Variants in RBMS1 observed in about 807,000 individuals in gnomAD.
RBMS1 encodes RNA-binding motif, single-stranded-interacting protein 1.
A neutral mutation model predicts 62.3 loss-of-function variants in RBMS1; 17 were observed. The ratio of observed to expected loss-of-function variants is 0.27; its 90% confidence interval spans 0.19 to 0.41. The LOEUF (loss-of-function observed/expected upper bound fraction) is 0.41, where lower values mean the gene tolerates loss of function less well. Ranked by LOEUF, RBMS1 falls within the 10% of genes least tolerant of loss-of-function variation. The pLI, the probability that RBMS1 is intolerant of heterozygous loss-of-function variation, is 1.00. For synonymous variants in RBMS1, 172 were observed against 170.0 expected, an observed-to-expected ratio of 1.01 and a Z score of -0.09; for missense variants, 334 against 504.5, an observed-to-expected ratio of 0.66 and a Z score of 3.24.
intron 1 of RBMS1, among the ~76,000 whole-genome samples, chr2:160,400,560 G>T (rs1695382440): frequency 1.3e-5 from 2 of 152,054 alleles, no homozygotes; most frequent in African/African-American, 4.8e-5. Context: ...ATGAAAACAG[G>T]TGATTGTGAT....
chr2:160,387,090 T>C (rs530094223), intron 1 of RBMS1, among the ~76,000 whole-genome samples: 19 of 152,188 alleles, frequency 1.2e-4, no homozygotes, highest in Non-Finnish European at 2.2e-4. Flanking sequence ...CACAGGACAC[T>C]GTCTGTTTAT....
At chr2:160,446,758 C>G (rs1683667659) in intron 1 of RBMS1, among the ~76,000 whole-genome samples, 1 of 152,220 alleles carries the variant, frequency 6.6e-6, no homozygotes, top group Non-Finnish European at 1.5e-5. Flanking sequence ...CATTTTACTC[C>G]CCATTCCTCG....
chr2:160,493,449 G>A lies in RBMS1; in HGVS notation c.-86C>T, dbSNP rs1279165467. 8 of 1,365,644 alleles carry A rather than the reference G, an allele frequency of 5.9e-6. No homozygotes were observed. Among genetic ancestry groups the A allele is most frequent in the Non-Finnish European group, 8.2e-6 (8 of 970,088 alleles). The allele number at this position is 1,365,644 out of a possible 1,614,324, so 84.6% of individuals were successfully genotyped here. A position where few individuals can be genotyped will look rare whatever the true frequency, so the allele number is the denominator to read the frequency against. On this transcript the variant is annotated 5_prime_UTR_variant, in exon 1 of 14. Transcript: ENST00000348849. ...GCTCTCCTGCCTCTCCCTTTCCGGCGGCGGCGGCAGCGGCGGCGGCGGCGG... is the reference window on the plus strand; with the variant it reads ...GCTCTCCTGCCTCTCCCTTTCCGGCAGCGGCGGCAGCGGCGGCGGCGGCGG...
intron 1 of RBMS1, among the ~76,000 whole-genome samples, chr2:160,457,755 G>A (rs1423640484): frequency 6.6e-6 from 1 of 151,684 alleles, no homozygotes; most frequent in Non-Finnish European, 1.5e-5. Flanking sequence ...GCTGGGGAGG[G>A]CTGCCTATGC....
intron 4 of RBMS1, among the ~76,000 whole-genome samples, chr2:160,307,190 G>A (rs1689579406): frequency 6.6e-6 from 1 of 152,094 alleles, no homozygotes; most frequent in African/African-American, 2.4e-5. Flanking sequence ...TAAAATGCAA[G>A]AACGGGGACT....
intron 1 of RBMS1, among the ~76,000 whole-genome samples, chr2:160,399,525 C>CTT (rs33978215): frequency 6.7e-6 from 1 of 149,464 alleles, no homozygotes; most frequent in African/African-American, 2.5e-5. Context: ...TTCCTGTATG[C>CTT]TTTTTTTTTT....
At position 160,273,617 on chromosome 2, in the gene RBMS1, A is replaced by G. The variant is rs1687681119; in HGVS notation, c.*1155T>C. On this transcript the variant is annotated 3_prime_UTR_variant, in exon 14 of 14. Coordinates refer to ENST00000348849, the MANE Select transcript of RBMS1 (RefSeq NM_016836.4). ...CTTTTGCCACTTTGTTGCAATAGCAACATTTTTCGGTTTGCCAGATTTCAG... is the reference window on the plus strand; with the variant it reads ...CTTTTGCCACTTTGTTGCAATAGCAGCATTTTTCGGTTTGCCAGATTTCAG... 6.6e-6 allele frequency: 1 copy of G among 152,224 alleles called. No homozygotes were observed. Among genetic ancestry groups the G allele is most frequent in the African/African-American group, 2.4e-5 (1 of 41,454 alleles). 9.4% of individuals were successfully genotyped at this position (152,224 alleles called of 1,614,324 possible). A position where few individuals can be genotyped will look rare whatever the true frequency, so the allele number is the denominator to read the frequency against.
chr2:160,381,352 A>C (rs1433427607), intron 1 of RBMS1, among the ~76,000 whole-genome samples: 2 of 152,216 alleles, frequency 1.3e-5, no homozygotes, highest in African/African-American at 4.8e-5. Context: ...GTCCTTAAAA[A>C]TAGTTTAATA....
chr2:160,278,295 T>C, intron 11 of RBMS1: 1 of 506,178 alleles, frequency 2.0e-6, no homozygotes, highest in Admixed American at 3.5e-5. Flanking sequence ...ACACTAGTCA[T>C]AAAAGGCTAG....
chr2:160,421,638 T>A (rs955992110), intron 1 of RBMS1, among the ~76,000 whole-genome samples: 6 of 152,204 alleles, frequency 3.9e-5, no homozygotes, highest in African/African-American at 9.6e-5. Context: ...AGCAGCATGA[T>A]TTATAATCCT....
chr2:160,421,899 G>A (rs998413685), intron 1 of RBMS1, among the ~76,000 whole-genome samples: 2 of 152,116 alleles, frequency 1.3e-5, no homozygotes, highest in Non-Finnish European at 2.9e-5. Flanking sequence ...TGATGGCCAG[G>A]GATGATGAGC....
intron 1 of RBMS1, 90 bp from the exon 2 acceptor site, chr2:160,367,481 A>G: frequency 6.5e-7 from 1 of 1,537,980 alleles, no homozygotes; most frequent in Non-Finnish European, 8.7e-7. Flanking sequence ...AATATAGATT[A>G]CTTTAAGCTA....
intron 1 of RBMS1, among the ~76,000 whole-genome samples, chr2:160,414,488 A>G (rs1039212265): frequency 6.6e-6 from 1 of 152,168 alleles, no homozygotes; most frequent in Non-Finnish European, 1.5e-5. Flanking sequence ...ATTAGATATT[A>G]GCTAAGTTAT....
intron 1 of RBMS1, among the ~76,000 whole-genome samples, chr2:160,403,602 A>C (rs1215706340): frequency 6.6e-6 from 1 of 152,236 alleles, no homozygotes; most frequent in African/African-American, 2.4e-5. Context: ...TACTTCCCTC[A>C]TCAAAAGTTA....
rs1321182985 is a variant in RBMS1 at position 160,324,907 on chromosome 2, T to TATACACACACAC, written c.252-6681_252-6680insGTGTGTGTGTAT. The stretch of plus-strand genomic sequence containing the variant: ...GTATATATATATATATATATATATA[T>TATACACACACAC]ACACACACACACACACACACACACA... On this transcript the variant is annotated intron_variant, in intron 2 of 13. Transcript: ENST00000348849. Among the ~76,000 whole-genome samples the TATACACACACAC allele has an allele frequency of 5.2e-4, 56 of 106,756 alleles. 1 individual carries two copies. The highest frequency in any genetic ancestry group is 2.3e-3 in the African/African-American group (54 of 23,968). 70.0% of individuals were successfully genotyped at this position (106,756 alleles called of 152,430 possible). A position where few individuals can be genotyped will look rare whatever the true frequency, so the allele number is the denominator to read the frequency against.
chr2:160,307,076 C>T (rs1389119665), intron 4 of RBMS1, among the ~76,000 whole-genome samples: 4 of 152,018 alleles, frequency 2.6e-5, no homozygotes, highest in Admixed American at 2.6e-4. Context: ...CTAACGTTCA[C>T]GTGAGTAGAA....
intron 2 of RBMS1, among the ~76,000 whole-genome samples, chr2:160,324,903 TATATACAC>T (rs1371932430): frequency 3.2e-4 from 38 of 118,988 alleles, no homozygotes; most frequent in East Asian, 2.5e-3. Flanking sequence ...TATATATATA[TATATACAC>T]ACACACACAC....
chr2:160,425,613 A>C (rs899452319), intron 1 of RBMS1, among the ~76,000 whole-genome samples: 1 of 152,210 alleles, frequency 6.6e-6, no homozygotes, highest in Non-Finnish European at 1.5e-5. Context: ...CTCAGAGAGT[A>C]GAAGAATGGC....
chr2:160,400,590 T>C (rs1695384347), intron 1 of RBMS1, among the ~76,000 whole-genome samples: 1 of 152,114 alleles, frequency 6.6e-6, no homozygotes, highest in South Asian at 2.1e-4. Flanking sequence ...ATATTTAGAA[T>C]ATTTAGAACA....
Sources: gnomAD v4.1 joint callset for allele counts (sites outside exome capture counted in the v4.1 genomes callset) on GRCh38, gnomAD v4.1.1 for gene constraint, MANE v1.5 for transcripts, NCBI Gene and HGNC (gene_info 2026-07-23, HGNC 2026-07-21) for gene names.